TMPRSS13: variants seen among roughly 807,000 people sequenced by gnomAD.
TMPRSS13 encodes transmembrane protease serine 13.
TMPRSS13 carries 50 observed loss-of-function variants against 68.4 expected under a neutral mutation model. The observed-to-expected ratio is 0.73, with a 90% confidence interval of 0.58 to 0.93. The LOEUF (loss-of-function observed/expected upper bound fraction) is 0.93. Ranked by LOEUF, TMPRSS13 falls within the 40% of genes least tolerant of loss-of-function variation. The probability of loss-of-function intolerance (pLI) is 0.00; values close to 1 mark genes in which losing one functional copy is unlikely to be tolerated. For synonymous variants in TMPRSS13, 267 were observed against 285.8 expected, an observed-to-expected ratio of 0.93 and a Z score of 0.66; for missense variants, 615 against 729.2, an observed-to-expected ratio of 0.84 and a Z score of 1.80.
At position 117,924,021 on chromosome 11, in the gene TMPRSS13, T is replaced by G. The variant is rs1040514874; in HGVS notation, c.22-5183A>C. Among the ~76,000 whole-genome samples the G allele has an allele frequency of 5.9e-5, 9 of 151,616 alleles. 1 individual carries two copies. The East Asian group carries it at 1.7e-3, about 29-fold the overall frequency. On this transcript the variant is annotated intron_variant, in intron 1 of 12. Coordinates refer to ENST00000524993, the MANE Select transcript of TMPRSS13 (RefSeq NM_001077263.3). ...AAGCTACCACCCAGGGTTGGGCATATCACAGGCTGTCAGAGTTGCAAAGAT... is the reference window on the plus strand; with the variant it reads ...AAGCTACCACCCAGGGTTGGGCATAGCACAGGCTGTCAGAGTTGCAAAGAT...
intron 2 of TMPRSS13, among the ~76,000 whole-genome samples, chr11:117,917,481 C>T (rs1290628062): frequency 6.6e-6 from 1 of 152,224 alleles, no homozygotes; most frequent in African/African-American, 2.4e-5. Context: ...CTGAGCTCCC[C>T]CTGCCTGGCA....
At chr11:117,904,643 G>C (rs2057445010) in intron 10 of TMPRSS13, among the ~76,000 whole-genome samples, 2 of 151,856 alleles carry the variant, frequency 1.3e-5, no homozygotes, top group Admixed American at 6.6e-5. Flanking sequence ...GAAGTGGCCT[G>C]AGTCTAACCA....
intron 1 of TMPRSS13, among the ~76,000 whole-genome samples, chr11:117,926,402 A>G (rs1018260584): frequency 6.6e-6 from 1 of 152,200 alleles, no homozygotes; most frequent in Non-Finnish European, 1.5e-5. Context: ...GGAACTGCCC[A>G]GCTCCTCTGG....
Position 117,903,818 on chromosome 11 carries a change from GAGGGGGCACATTCGCAGGATGGGAC to G in TMPRSS13, c.1525-36_1525-12del, listed in dbSNP as rs2057433889. 6.2e-7 allele frequency: 1 copy of G among 1,609,088 alleles called. No individual in the cohort carries two copies. The stretch of plus-strand genomic sequence containing the variant: ...CCCCCCGCTGTCTCCCTGCAGGGGA[GAGGGGGCACATTCGCAGGATGGGAC>G]AGGTGGTCCATGAGCGGGAAAGGGT... On this transcript the variant is annotated splice_polypyrimidine_tract_variant and intron_variant, in intron 11 of 12. Coordinates refer to ENST00000524993, the MANE Select transcript of TMPRSS13 (RefSeq NM_001077263.3).
intron 1 of TMPRSS13, among the ~76,000 whole-genome samples, chr11:117,920,552 C>G (rs2057633924): frequency 6.6e-6 from 1 of 151,918 alleles, no homozygotes; most frequent in Non-Finnish European, 1.5e-5. Context: ...GAGTGCAGTG[C>G]CGCGATCTTG....
In TMPRSS13 at chr11:117,914,004, C is replaced by A; in HGVS notation, c.680-98G>T. On this transcript the variant is annotated intron_variant, in intron 4 of 12. Coordinates refer to ENST00000524993, the MANE Select transcript of TMPRSS13 (RefSeq NM_001077263.3). This position sits in a 1 kb window ranked among gnomAD's most constrained non-coding sequence, Gnocchi z 4.2. ...GTGAGGCTTTGAGAAAGCGCTTGTC[C>A]TGACAGCACTCCTTGCTGAGGCCTG... 7.2e-7 allele frequency: 1 copy of A among 1,391,714 alleles called. No homozygotes were observed. The highest frequency in any genetic ancestry group is 9.8e-7 in the Non-Finnish European group (1 of 1,016,322). 86.2% of individuals were successfully genotyped at this position (1,391,714 alleles called of 1,614,324 possible). A position where few individuals can be genotyped will look rare whatever the true frequency, so the allele number is the denominator to read the frequency against.
chr11:117,928,800 T>G (rs1216437822), intron 1 of TMPRSS13, among the ~76,000 whole-genome samples: 1 of 152,200 alleles, frequency 6.6e-6, no homozygotes, highest in Non-Finnish European at 1.5e-5. Flanking sequence ...AACATCCCCT[T>G]GAAAATCTTG....
intron 9 of TMPRSS13, chr11:117,907,425 C>A (rs1254586675): frequency 6.6e-6 from 1 of 152,262 alleles, no homozygotes; most frequent in Admixed American, 6.5e-5. Flanking sequence ...CTCCTCACCC[C>A]ACTCTGATGA....
At chr11:117,909,689 TG>T (rs1392689778) in intron 8 of TMPRSS13, 116 bp downstream of exon 8, 1 of 1,275,970 alleles carries the variant, frequency 7.8e-7, no homozygotes, top group Non-Finnish European at 1.1e-6. Context: ...AACTGGCCCA[TG>T]GGGGCTGGAC....
chr11:117,904,519 C>T (rs1228412484), intron 10 of TMPRSS13, among the ~76,000 whole-genome samples: 1 of 152,202 alleles, frequency 6.6e-6, no homozygotes, highest in East Asian at 1.9e-4. Flanking sequence ...GGAGAAGTGA[C>T]CTGCCCACAG....
intron 9 of TMPRSS13, among the ~76,000 whole-genome samples, chr11:117,906,316 C>A (rs913424472): frequency 2.6e-5 from 4 of 152,224 alleles, no homozygotes; most frequent in Admixed American, 2.6e-4. Flanking sequence ...CTAACTTGAT[C>A]CCACATTCAG....
chr11:117,908,028 G>A, intron 9 of TMPRSS13: 1 of 997,482 alleles, frequency 1.0e-6, no homozygotes, highest in Non-Finnish European at 1.2e-6. Flanking sequence ...GCAATTAGTT[G>A]TTTGAATGTG....
In TMPRSS13 at chr11:117,905,681, C is replaced by T. The variant is rs201861888; in HGVS notation, c.1338G>A (p.Glu446=). ...TGCCAAAGCCTGTGATCCAGCAGGT[C>T]TCATTGAGGCTAAAGGTCTGTCCAT... ...PMHGQTFSLN[E]TCWITGFGKT... Residue 446 remains glutamate (E), a synonymous_variant, in exon 10 of 13, where the codon GAG becomes GAA. Transcript: ENST00000524993. The T allele has an allele frequency of 1.2e-6, 2 of 1,606,262 alleles. No individual in the cohort carries two copies. The highest frequency in any genetic ancestry group is 1.7e-6 in the Non-Finnish European group (2 of 1,175,522).
At chr11:117,905,819 G>A (rs1241087894) in intron 9 of TMPRSS13, 83 bp from the exon 10 acceptor site, 1 of 1,059,340 alleles carries the variant, frequency 9.4e-7, no homozygotes, top group Admixed American at 2.1e-5. Context: ...CAACCACTCT[G>A]GGGGCAAGGA....
At chr11:117,923,933 C>T (rs1054787018) in intron 1 of TMPRSS13, among the ~76,000 whole-genome samples, 2 of 151,694 alleles carry the variant, frequency 1.3e-5, no homozygotes, top group African/African-American at 4.8e-5. Context: ...TGCATCAGGG[C>T]CCGTTTCAGT....
intron 2 of TMPRSS13, 53 bp downstream of exon 2, chr11:117,918,355 CT>C (rs2057599806): frequency 6.3e-7 from 1 of 1,581,722 alleles, no homozygotes; most frequent in African/African-American, 1.3e-5. Context: ...GATTTCCTCC[CT>C]GCCCATGGGC....
chr11:117,902,835 G>T (rs1208417340), intron 12 of TMPRSS13, among the ~76,000 whole-genome samples: 7 of 152,206 alleles, frequency 4.6e-5, no homozygotes, highest in Admixed American at 3.9e-4. Context: ...GTAAATGGCT[G>T]ATTTTGATAG....
chr11:117,917,215 A>G lies in TMPRSS13; in HGVS notation c.511T>C (p.Cys171Arg). The change falls in exon 3 of 13, where the codon TGC becomes CGC. Residue 171 changes from cysteine (C) to arginine (R), a missense_variant. Transcript: ENST00000524993. ...EGQKQLPLIG[C>R]VLLLIALVVS... is the part of the protein sequence containing the mutation. ...ACCAGGGCAATGAGGAGGAGCACGCACCCGATGAGCGGTAGCTGCTTCTGG... is the reference window on the plus strand; with the variant it reads ...ACCAGGGCAATGAGGAGGAGCACGCGCCCGATGAGCGGTAGCTGCTTCTGG... 1 of 1,613,040 alleles carries G rather than the reference A, an allele frequency of 6.2e-7. No homozygotes were observed. Among genetic ancestry groups the G allele is most frequent in the African/African-American group, 1.3e-5 (1 of 75,036 alleles).
chr11:117,913,994 A>G, intron 4 of TMPRSS13, 88 bp from the exon 5 acceptor site: 2 of 1,504,216 alleles, frequency 1.3e-6, no homozygotes, highest in East Asian at 2.3e-5. Flanking sequence ...GCTTTGAGAA[A>G]GCGCTTGTCC....
Sources: gnomAD v4.1 joint callset for allele counts (sites outside exome capture counted in the v4.1 genomes callset) on GRCh38, gnomAD v4.1.1 for gene constraint, Gnocchi (gnomAD v3.1) non-coding constraint, MANE v1.5 for transcripts, NCBI Gene and HGNC (gene_info 2026-07-23, HGNC 2026-07-21) for gene names.